The following CC2D2B variants were observed in gnomAD, a reference collection of about 807,000 sequenced individuals.
CC2D2B encodes protein CC2D2B.
In CC2D2B, 128 loss-of-function variants were observed where a neutral mutation model predicts 161.2. That is an observed-to-expected ratio of 0.79 (90% CI 0.69 to 0.92). The LOEUF (loss-of-function observed/expected upper bound fraction) is 0.92. Among genes scored for constraint, CC2D2B ranks in the 40% least tolerant of loss-of-function variants. CC2D2B has a pLI of 0.00. For synonymous variants in CC2D2B, 391 were observed against 449.8 expected (o/e 0.87, Z 1.65); for missense variants, 1,173 against 1,375.1 (o/e 0.85, Z 2.32).
At chr10:95,989,692 A>G (rs746510151) in intron 20 of CC2D2B, among the ~76,000 whole-genome samples, 24 of 152,318 alleles carry the variant, frequency 1.6e-4, no homozygotes, top group South Asian at 4.1e-4. Flanking sequence ...TGAACTTCAT[A>G]CAGGAATCCC....
At chr10:96,008,703 G>T (rs565802225) in intron 25 of CC2D2B, among the ~76,000 whole-genome samples, 16 of 152,052 alleles carry the variant, frequency 1.1e-4, no homozygotes, top group African/African-American at 3.9e-4. Context: ...TATCTTTTTT[G>T]GTGAGGTGTC....
At chr10:95,956,056 T>G (rs908012119) in intron 11 of CC2D2B, among the ~76,000 whole-genome samples, 2 of 152,208 alleles carry the variant, frequency 1.3e-5, no homozygotes, top group Non-Finnish European at 2.9e-5. Context: ...GAAGACAGCC[T>G]TCATTCAGAC....
At chr10:95,960,379 T>A (rs938819493) in intron 11 of CC2D2B, among the ~76,000 whole-genome samples, 6 of 152,166 alleles carry the variant, frequency 3.9e-5, no homozygotes, top group African/African-American at 1.4e-4. Flanking sequence ...GAAAGAGACA[T>A]TGAATGACTT....
intron 25 of CC2D2B, among the ~76,000 whole-genome samples, chr10:96,007,483 T>C (rs2078801295): frequency 6.6e-6 from 1 of 152,144 alleles, no homozygotes; most frequent in East Asian, 1.9e-4. Flanking sequence ...TCCAAGGACT[T>C]GATTCCTACA....
rs58739011 is a variant in CC2D2B, at chr10:96,015,231, A to ATT, written c.3517-951_3517-950dup. ...AGGCACGCACCACCAGGCCCAGCTA[A>ATT]TTTTTTTTTTTTTTTTTTTTGTATT... On this transcript the variant is annotated intron_variant, in intron 29 of 34. Coordinates refer to ENST00000646931, the MANE Select transcript of CC2D2B (RefSeq NM_001349008.3). Among the ~76,000 whole-genome samples, 825 of 111,262 alleles carry ATT rather than the reference A, an allele frequency of 7.4e-3. 23 individuals carry two copies. The highest frequency in any genetic ancestry group is 0.025 in the African/African-American group (720 of 28,244). 73.0% of individuals were successfully genotyped at this position (111,262 alleles called of 152,430 possible). A position where few individuals can be genotyped will look rare whatever the true frequency, so the allele number is the denominator to read the frequency against.
At chr10:96,016,146 C>A in intron 29 of CC2D2B, 55 bp from the exon 30 acceptor site, 1 of 1,184,376 alleles carries the variant, frequency 8.4e-7, no homozygotes, top group Non-Finnish European at 1.2e-6. Flanking sequence ...GCTTGCGTTA[C>A]TCAACTTTCC....
In CC2D2B at chr10:96,012,243, ATACT is replaced by A. The variant is rs1255263169; in HGVS notation, c.3107_3110del (p.Thr1036MetfsTer13). 2.8e-6 allele frequency: 2 copies of A among 710,236 alleles called. No individual in the cohort carries two copies. The highest frequency in any genetic ancestry group is 5.2e-6 in the Non-Finnish European group (2 of 383,334). The allele number at this position is 710,236 out of a possible 1,614,324, so 44.0% of individuals were successfully genotyped here. A position where few individuals can be genotyped will look rare whatever the true frequency, so the allele number is the denominator to read the frequency against. On this transcript the variant is annotated frameshift_variant, in exon 27 of 35. Coordinates refer to ENST00000646931, the MANE Select transcript of CC2D2B (RefSeq NM_001349008.3). LOFTEE classifies it high-confidence loss of function. ...GTTTTGCTCGGGTATACTTGGAGTA[ATACT>A]TATGTATTTCCTAAAGAAGATTCCA...
chr10:95,915,355 C>T (rs1293620681), intron 2 of CC2D2B, among the ~76,000 whole-genome samples: 1 of 152,110 alleles, frequency 6.6e-6, no homozygotes, highest in Non-Finnish European at 1.5e-5. Flanking sequence ...CATCTCCAAA[C>T]AAGGATAACT....
chr10:95,944,138 C>T (rs2076115851), intron 9 of CC2D2B, among the ~76,000 whole-genome samples: 1 of 152,170 alleles, frequency 6.6e-6, no homozygotes, highest in African/African-American at 2.4e-5. Flanking sequence ...CTCATCACCT[C>T]AGTCACTGTA....
rs1338847367 is a variant in CC2D2B, at chr10:96,024,843, T to C, written c.3889-10T>C. 1 of 1,461,862 alleles carries C rather than the reference T, an allele frequency of 6.8e-7. No individual in the cohort carries two copies. Among genetic ancestry groups the C allele is most frequent in the African/African-American group, 1.4e-5 (1 of 71,332 alleles). The allele number at this position is 1,461,862 out of a possible 1,614,324, so 90.6% of individuals were successfully genotyped here. On this transcript the variant is annotated splice_polypyrimidine_tract_variant and intron_variant, in intron 32 of 34. Transcript: ENST00000646931. ...CTAGAATCTATTCTAACTTTGGTTG[T>C]CTATTTCAGCCTGAAGAAATAATTT...
chr10:96,016,919 A>G (rs966242884), intron 30 of CC2D2B, among the ~76,000 whole-genome samples: 5 of 152,030 alleles, frequency 3.3e-5, no homozygotes, highest in African/African-American at 1.2e-4. Flanking sequence ...GGGTTTCATC[A>G]TGTTGGCCAG....
At chr10:96,016,103 G>A in intron 29 of CC2D2B, 98 bp from the exon 30 acceptor site, 8 of 733,992 alleles carry the variant, frequency 1.1e-5, no homozygotes, top group Non-Finnish European at 1.9e-5. Context: ...GTTTGGAACT[G>A]GAGTGAGTAC....
intron 32 of CC2D2B, among the ~76,000 whole-genome samples, chr10:96,023,926 C>T (rs1448028849): frequency 3.3e-5 from 5 of 152,218 alleles, no homozygotes; most frequent in Admixed American, 2.6e-4. Flanking sequence ...CACTTAGGAA[C>T]CTAGAGGCCT....
At chr10:95,947,089 A>ATC (rs2076228638) in intron 9 of CC2D2B, among the ~76,000 whole-genome samples, 1 of 27,986 alleles carries the variant, frequency 3.6e-5, no homozygotes, top group African/African-American at 2.3e-4. Flanking sequence ...AAAAATATAT[A>ATC]TATATATATA....
chr10:95,988,162 C>A, intron 19 of CC2D2B, 88 bp from the exon 20 acceptor site: 1 of 439,710 alleles, frequency 2.3e-6, no homozygotes, highest in Non-Finnish European at 3.8e-6. Flanking sequence ...TACACATGGA[C>A]TGAAGTGACT....
intron 14 of CC2D2B, among the ~76,000 whole-genome samples, chr10:95,966,688 T>C (rs1262406934): frequency 6.6e-6 from 1 of 152,126 alleles, no homozygotes; most frequent in African/African-American, 2.4e-5. Context: ...AGGTGAGATA[T>C]AAAGGCACTG....
At chr10:95,957,214 T>G (rs1204041834) in intron 11 of CC2D2B, among the ~76,000 whole-genome samples, 1 of 152,136 alleles carries the variant, frequency 6.6e-6, no homozygotes, top group South Asian at 2.1e-4. Flanking sequence ...TGAGGACCTG[T>G]GCTCTGATCA....
chr10:95,962,632 GAAATA>G (rs2076800050), intron 12 of CC2D2B, among the ~76,000 whole-genome samples: 1 of 152,038 alleles, frequency 6.6e-6, no homozygotes, highest in African/African-American at 2.4e-5. Flanking sequence ...AACTCACAGG[GAAATA>G]ACTAATTTTC....
intron 25 of CC2D2B, among the ~76,000 whole-genome samples, chr10:96,009,232 G>A (rs1052900580): frequency 1.3e-5 from 2 of 151,954 alleles, no homozygotes; most frequent in Non-Finnish European, 2.9e-5. Flanking sequence ...AATCCACTCT[G>A]ACAATCTCTG....
Sources: gnomAD v4.1 joint callset for allele counts (sites outside exome capture counted in the v4.1 genomes callset) on GRCh38, gnomAD v4.1.1 for gene constraint, MANE v1.5 for transcripts, NCBI Gene and HGNC (gene_info 2026-07-23, HGNC 2026-07-21) for gene names.